The following UNC13C variants were observed in gnomAD, a reference collection of about 807,000 sequenced individuals.
UNC13C encodes the protein protein unc-13 homolog C.
UNC13C carries 174 observed loss-of-function variants against 245.4 expected under a neutral mutation model. The ratio of observed to expected loss-of-function variants is 0.71; its 90% CI spans 0.63 to 0.80. The LOEUF is 0.80. Among genes scored for constraint, UNC13C ranks in the 30% least tolerant of loss-of-function variants. UNC13C has a pLI of 0.00. For missense variants in UNC13C, 2,829 were observed against 2,602.9 expected (o/e 1.09, Z -1.89); for synonymous variants, 992 against 895.1 (o/e 1.11, Z -1.93).
chr15:54,296,637 A>G (rs372568560), intron 11 of UNC13C, among the ~76,000 whole-genome samples: 2 of 152,202 alleles, frequency 1.3e-5, no homozygotes, highest in East Asian at 3.9e-4. Context: ...ATTAAAGAAT[A>G]ACAGTGAAAA....
Position 54,152,592 on chromosome 15 carries a change from A to G in UNC13C, c.3071+8908A>G, listed in dbSNP as rs143073682. Among the ~76,000 whole-genome samples, 16 of 152,264 alleles carry G rather than the reference A, an allele frequency of 1.1e-4. No individual in the cohort carries two copies. In the East Asian group the frequency reaches 3.1e-3, roughly 30 times the overall value. ...AGAGTAGCAAATTAAAACCACTGAT[A>G]CATCCTTTATGAAGGCAGTGTTTGA... On this transcript the variant is annotated intron_variant, in intron 4 of 32. Transcript: ENST00000260323.
At chr15:54,059,991 T>C (rs1159047379) in intron 2 of UNC13C, among the ~76,000 whole-genome samples, 1 of 152,212 alleles carries the variant, frequency 6.6e-6, no homozygotes, top group Non-Finnish European at 1.5e-5. Flanking sequence ...GACTTACATG[T>C]TAGACCTAAA....
intron 4 of UNC13C, among the ~76,000 whole-genome samples, chr15:54,163,343 T>C (rs2033046004): frequency 6.6e-6 from 1 of 152,178 alleles, no homozygotes; most frequent in African/African-American, 2.4e-5. Context: ...AGCTGCCAGA[T>C]GGCGCAGAGC....
chr15:54,512,931 A>G (rs927733753), intron 24 of UNC13C, among the ~76,000 whole-genome samples: 9 of 152,180 alleles, frequency 5.9e-5, no homozygotes, highest in African/African-American at 2.2e-4. Flanking sequence ...CTTGCTATTT[A>G]GCATTCTGCA....
intron 14 of UNC13C, among the ~76,000 whole-genome samples, chr15:54,329,346 TGCCCTA>T (rs1410540977): frequency 6.6e-6 from 1 of 151,978 alleles, no homozygotes; most frequent in Non-Finnish European, 1.5e-5. Context: ...TAACTATAGT[TGCCCTA>T]TTGTGCTACC....
chr15:54,604,799 G>A (rs1304413580), intron 30 of UNC13C, among the ~76,000 whole-genome samples: 1 of 152,164 alleles, frequency 6.6e-6, no homozygotes, highest in Non-Finnish European at 1.5e-5. Context: ...GCATTGAAAA[G>A]GAATGCTGTC....
chr15:54,141,497 C>A (rs1241472783), intron 2 of UNC13C, among the ~76,000 whole-genome samples: 2 of 152,000 alleles, frequency 1.3e-5, no homozygotes. Context: ...ACATATTACA[C>A]TTAAAGAAGA....
At chr15:54,428,971 A>G (rs2040812841) in intron 19 of UNC13C, among the ~76,000 whole-genome samples, 1 of 151,550 alleles carries the variant, frequency 6.6e-6, no homozygotes, top group Non-Finnish European at 1.5e-5. Context: ...CGGGTCCCGT[A>G]TTTCCCATAT....
intron 2 of UNC13C, among the ~76,000 whole-genome samples, chr15:54,101,752 GTTTTTGTA>G (rs953856921): frequency 2.0e-5 from 3 of 151,868 alleles, no homozygotes; most frequent in African/African-American, 7.3e-5. Context: ...CACCCAGCTA[GTTTTTGTA>G]TTTTTAGTAG....
At chr15:54,382,644 T>C (rs2039752335) in intron 17 of UNC13C, among the ~76,000 whole-genome samples, 1 of 151,124 alleles carries the variant, frequency 6.6e-6, no homozygotes, top group Admixed American at 6.6e-5. Context: ...CATTGTACAC[T>C]TCAAGCAACT....
At chr15:54,597,199 T>C (rs1237057450) in intron 30 of UNC13C, among the ~76,000 whole-genome samples, 2 of 152,132 alleles carry the variant, frequency 1.3e-5, no homozygotes, top group Admixed American at 6.5e-5. Context: ...GTGGTAATGC[T>C]CACTTGCCTG....
the UNC13C span, among the ~76,000 whole-genome samples, chr15:53,961,033 G>A: frequency 2.0e-5 from 3 of 152,208 alleles, no homozygotes; most frequent in Non-Finnish European, 2.9e-5. Flanking sequence ...CACCTAAAAT[G>A]GATAGAGGGG....
intron 17 of UNC13C, among the ~76,000 whole-genome samples, chr15:54,391,375 A>G: frequency 6.6e-6 from 1 of 152,106 alleles, no homozygotes; most frequent in East Asian, 1.9e-4. Context: ...ATAATGCACA[A>G]ATAATTACAT....
intron 19 of UNC13C, among the ~76,000 whole-genome samples, chr15:54,458,171 A>G (rs1294704349): frequency 6.6e-6 from 1 of 151,842 alleles, no homozygotes; most frequent in Non-Finnish European, 1.5e-5. Context: ...CAGATTATTT[A>G]ATTTTTATGT....
At chr15:53,848,856 C>A in the UNC13C span, among the ~76,000 whole-genome samples, 34 of 151,770 alleles carry the variant, frequency 2.2e-4, no homozygotes, top group Non-Finnish European at 4.6e-4. Flanking sequence ...TTTATATCTT[C>A]TTGATGAATT....
intron 19 of UNC13C, among the ~76,000 whole-genome samples, chr15:54,489,219 A>G (rs1225226328): frequency 6.6e-6 from 1 of 152,208 alleles, no homozygotes; most frequent in Non-Finnish European, 1.5e-5. Context: ...TTTAAGAGGC[A>G]TTAACTACCC....
intron 4 of UNC13C, among the ~76,000 whole-genome samples, chr15:54,178,919 A>T (rs1446129376): frequency 6.6e-6 from 1 of 152,098 alleles, no homozygotes; most frequent in African/African-American, 2.4e-5. Context: ...CATGATATCT[A>T]CCAAATTTGG....
At chr15:53,971,957 C>G in the UNC13C span, among the ~76,000 whole-genome samples, 2 of 152,136 alleles carry the variant, frequency 1.3e-5, no homozygotes, top group Non-Finnish European at 2.9e-5. Context: ...ATAGATGACT[C>G]ATAAATCAAA....
At chr15:54,466,699 C>A (rs549080298) in intron 19 of UNC13C, among the ~76,000 whole-genome samples, 10 of 151,784 alleles carry the variant, frequency 6.6e-5, no homozygotes, top group African/African-American at 2.4e-4. Flanking sequence ...TCCTAAGAAG[C>A]GTATCAGTGT....
Sources: gnomAD v4.1 joint callset for allele counts (sites outside exome capture counted in the v4.1 genomes callset) on GRCh38, gnomAD v4.1.1 for gene constraint, MANE v1.5 for transcripts, NCBI Gene and HGNC (gene_info 2026-07-23, HGNC 2026-07-21) for gene names.